Variants in GXYLT1 observed in about 807,000 individuals in gnomAD.
GXYLT1 encodes glycosyltransferase 8 domain containing 3.
In GXYLT1, 29 loss-of-function variants were observed where a neutral mutation model predicts 54.0. That is an observed-to-expected ratio of 0.54 (90% CI 0.40 to 0.73). The LOEUF (loss-of-function observed/expected upper bound fraction) is 0.73. GXYLT1 is among the 30% of genes least tolerant of loss of function. The pLI, the probability that GXYLT1 is intolerant of heterozygous loss-of-function variation, is 0.00. For missense variants in GXYLT1, 490 were observed against 553.4 expected, an observed-to-expected ratio of 0.89 and a Z score of 1.15; for synonymous variants, 176 against 204.1, an observed-to-expected ratio of 0.86 and a Z score of 1.17.
rs7972986 is a variant in GXYLT1 at position 42,087,930 on chromosome 12, G to A, written c.1179C>T (p.Asp393=). ...EALRNCSFED[D]NIRSLLKPLE... ...AAGGTTTTAATAAGGAACGGATGTT[G>A]TCATCTTCAAAAGAACACTAGAGAA... Residue 393 remains aspartate (D), a synonymous_variant, in exon 8 of 8, where the codon GAC becomes GAT. Transcript: ENST00000398675. 258,758 of 1,527,022 alleles carry A rather than the reference G, an allele frequency of 0.17. 22,685 individuals are homozygous for A. The highest frequency in any genetic ancestry group is 0.24 in the Admixed American group (10,930 of 46,008). 94.6% of individuals were successfully genotyped at this position (1,527,022 alleles called of 1,614,324 possible).
chr12:42,118,731 T>A (rs2065511782), intron 3 of GXYLT1, among the ~76,000 whole-genome samples: 1 of 152,186 alleles, frequency 6.6e-6, no homozygotes, highest in Admixed American at 6.5e-5. Context: ...GTCTCATGGT[T>A]TAAAAGTGTG....
intron 3 of GXYLT1, among the ~76,000 whole-genome samples, chr12:42,110,127 T>A (rs143815631): frequency 6.6e-6 from 1 of 152,340 alleles, no homozygotes; most frequent in African/African-American, 2.4e-5. Context: ...AGTTAAAAAA[T>A]ATTTGTCCAT....
At chr12:42,101,271 AAAG>A (rs1358748547) in intron 5 of GXYLT1, among the ~76,000 whole-genome samples, 1 of 152,216 alleles carries the variant, frequency 6.6e-6, no homozygotes, top group Admixed American at 6.5e-5. Flanking sequence ...GCCATTCACA[AAAG>A]AAGAAACAGA....
At chr12:42,093,838 A>G (rs1454527795) in intron 7 of GXYLT1, among the ~76,000 whole-genome samples, 1 of 151,998 alleles carries the variant, frequency 6.6e-6, no homozygotes, top group African/African-American at 2.4e-5. Context: ...GCGCCCAGCC[A>G]AAGATAGATT....
rs148625089 is a variant in GXYLT1, at chr12:42,133,135, A to C, written c.222-3284T>G. Among the ~76,000 whole-genome samples the C allele has an allele frequency of 2.8e-3, 431 of 152,174 alleles. 2 individuals carry two copies. Among genetic ancestry groups the C allele is most frequent in the African/African-American group, 9.3e-3 (385 of 41,514 alleles). On this transcript the variant is annotated intron_variant, in intron 1 of 7. Transcript: ENST00000398675. ...CCATCTCTAATAAAAAAAATCAGTC[A>C]GGTGTGGTGGCGGTTGCCTGTAATC...
chr12:42,088,326 A>G (rs1300092951), intron 7 of GXYLT1, among the ~76,000 whole-genome samples: 1 of 152,148 alleles, frequency 6.6e-6, no homozygotes, highest in Non-Finnish European at 1.5e-5. Context: ...CCACTCTGGC[A>G]ATAATACTGC....
At chr12:42,129,069 T>A (rs1166924072) in intron 2 of GXYLT1, among the ~76,000 whole-genome samples, 1 of 152,134 alleles carries the variant, frequency 6.6e-6, no homozygotes, top group African/African-American at 2.4e-5. Context: ...TTTGCCCCAC[T>A]CTCCTCTGCC....
chr12:42,139,472 G>A lies in GXYLT1; in HGVS notation c.221+4954C>T, dbSNP rs887918208. ...CAGAGCCCCCATGAATGGGATTAGT[G>A]GGGGGCCTTATAAAAGGGGCCTGCC... On this transcript the variant is annotated intron_variant, in intron 1 of 7. Transcript: ENST00000398675. Among the ~76,000 whole-genome samples, 7 of 152,024 alleles carry A rather than the reference G, an allele frequency of 4.6e-5. No homozygotes were observed. The South Asian group carries it at 8.3e-4, about 18-fold the overall frequency.
In GXYLT1 at chr12:42,144,686, C is replaced by CGCCGCCGCCGCGCA; in HGVS notation, c.-41_-40insTGCGCGGCGGCGGC. The CGCCGCCGCCGCGCA allele has an allele frequency of 7.3e-7, 1 of 1,372,122 alleles. No homozygotes were observed. The highest frequency in any genetic ancestry group is 9.5e-7 in the Non-Finnish European group (1 of 1,052,406). 85.0% of individuals were successfully genotyped at this position (1,372,122 alleles called of 1,614,324 possible). On this transcript the variant is annotated 5_prime_UTR_variant, in exon 1 of 8. Coordinates refer to ENST00000398675, the MANE Select transcript of GXYLT1 (RefSeq NM_173601.2). ...TCCTCCTTCGCCGCCGCCGCCGCGCCCGCCCCGACGAACTGGAGCGGAGGG... is the reference window on the plus strand; with the variant it reads ...TCCTCCTTCGCCGCCGCCGCCGCGCCGCCGCCGCCGCGCACGCCCCGACGAACTGGAGCGGAGGG...
chr12:42,130,097 C>T (rs1033548889), intron 1 of GXYLT1, among the ~76,000 whole-genome samples: 4 of 152,150 alleles, frequency 2.6e-5, no homozygotes, highest in Admixed American at 6.5e-5. Context: ...GTGTTTCCGT[C>T]GGAGAGTCTC....
chr12:42,139,034 T>C (rs2065637046), intron 1 of GXYLT1, among the ~76,000 whole-genome samples: 1 of 142,808 alleles, frequency 7.0e-6, no homozygotes, highest in Admixed American at 7.2e-5. Flanking sequence ...CGAGACTCTG[T>C]CTCAAAAAAA....
intron 5 of GXYLT1, among the ~76,000 whole-genome samples, chr12:42,098,784 T>TATATATATAAA (rs1017764424): frequency 7.4e-6 from 1 of 134,416 alleles, no homozygotes; most frequent in African/African-American, 2.8e-5. Flanking sequence ...TATATATATA[T>TATATATATAAA]AATACATGTG....
intron 3 of GXYLT1, among the ~76,000 whole-genome samples, chr12:42,112,188 T>TG (rs1205358772): frequency 6.6e-6 from 1 of 151,704 alleles, no homozygotes; most frequent in African/African-American, 2.4e-5. Context: ...ACCACAAAGA[T>TG]GGGGAAAAAA....
chr12:42,139,241 T>C (rs2065638392), intron 1 of GXYLT1, among the ~76,000 whole-genome samples: 4 of 151,966 alleles, frequency 2.6e-5, no homozygotes, highest in Admixed American at 1.3e-4. Context: ...GTACATATTA[T>C]TTTTTCATCA....
intron 3 of GXYLT1, among the ~76,000 whole-genome samples, chr12:42,110,958 G>C (rs1051611755): frequency 1.3e-5 from 2 of 152,102 alleles, no homozygotes; most frequent in African/African-American, 4.8e-5. Flanking sequence ...CAAAAATATA[G>C]TATATGTTAC....
At chr12:42,144,187 G>A (rs906158669) in intron 1 of GXYLT1, among the ~76,000 whole-genome samples, 3 of 152,232 alleles carry the variant, frequency 2.0e-5, no homozygotes, top group African/African-American at 4.8e-5. Context: ...ATTTCTAACT[G>A]CTTTAAAGGG....
At chr12:42,140,198 G>A (rs367753281) in intron 1 of GXYLT1, among the ~76,000 whole-genome samples, 42 of 19,138 alleles carry the variant, frequency 2.2e-3, no homozygotes, top group South Asian at 4.7e-3. Context: ...AAAAAAAAAA[G>A]GCGGGGGGGG....
At chr12:42,102,917 CATTAA>C (rs1449277830) in intron 5 of GXYLT1, among the ~76,000 whole-genome samples, 3 of 151,646 alleles carry the variant, frequency 2.0e-5, no homozygotes, top group East Asian at 1.9e-4. Context: ...ATAATTATTT[CATTAA>C]ATTAAATTAT....
Position 42,144,743 on chromosome 12 carries a change from T to C in GXYLT1, c.-97A>G. The C allele has an allele frequency of 1.2e-6, 1 of 863,888 alleles. No homozygotes were observed. The highest frequency in any genetic ancestry group is 1.6e-6 in the Non-Finnish European group (1 of 643,178). 53.5% of individuals were successfully genotyped at this position (863,888 alleles called of 1,614,324 possible). ...ACCGCGCAGCCGCGGGCGCAACAAG[T>C]TCCTCACCCGCAGCCGCCGCCGCCG... On this transcript the variant is annotated 5_prime_UTR_variant, in exon 1 of 8. Coordinates refer to ENST00000398675, the MANE Select transcript of GXYLT1 (RefSeq NM_173601.2).
Sources: gnomAD v4.1 joint callset for allele counts (sites outside exome capture counted in the v4.1 genomes callset) on GRCh38, gnomAD v4.1.1 for gene constraint, MANE v1.5 for transcripts, NCBI Gene and HGNC (gene_info 2026-07-23, HGNC 2026-07-21) for gene names.